Variants in RANBP17 observed in about 807,000 individuals in gnomAD.
RANBP17 encodes ran-binding protein 17.
A neutral mutation model predicts 141.2 loss-of-function variants in RANBP17; 158 were observed. The observed-to-expected ratio is 1.12, with a 90% CI of 0.98 to 1.28. The LOEUF is 1.28. Among genes scored for constraint, RANBP17 ranks in the 50% most tolerant of loss-of-function variants. The pLI is 0.00. For missense variants in RANBP17, 1,438 were observed against 1,290.7 expected, an observed-to-expected ratio of 1.11 and a Z score of -1.75; for synonymous variants, 430 against 450.0, an observed-to-expected ratio of 0.96 and a Z score of 0.56.
At chr5:171,275,579 C>T (rs1360199226) in intron 25 of RANBP17, among the ~76,000 whole-genome samples, 1 of 152,028 alleles carries the variant, frequency 6.6e-6, no homozygotes, top group Non-Finnish European at 1.5e-5. Flanking sequence ...ATTTAAGCAC[C>T]TTAGTTTTGT....
At chr5:171,144,320 C>G (rs1057399897) in intron 14 of RANBP17, among the ~76,000 whole-genome samples, 1 of 151,852 alleles carries the variant, frequency 6.6e-6, no homozygotes, top group Non-Finnish European at 1.5e-5. Context: ...GAACCAAAAT[C>G]ATGCCGCTGC....
chr5:171,158,768 C>T (rs570000086), intron 14 of RANBP17, among the ~76,000 whole-genome samples: 2 of 152,250 alleles, frequency 1.3e-5, no homozygotes, highest in South Asian at 4.1e-4. Context: ...CAGTTCTCAC[C>T]TGCCCTTTTT....
intron 24 of RANBP17, among the ~76,000 whole-genome samples, chr5:171,259,822 AG>A (rs1295575122): frequency 3.9e-4 from 59 of 151,710 alleles, no homozygotes; most frequent in Non-Finnish European, 2.9e-5. Context: ...CTCTACTAAA[AG>A]TACAGAAATT....
At chr5:170,980,937 G>A (rs1777725627) in intron 14 of RANBP17, among the ~76,000 whole-genome samples, 1 of 152,118 alleles carries the variant, frequency 6.6e-6, no homozygotes, top group African/African-American at 2.4e-5. Context: ...GCAGTAGAGG[G>A]GAGTCTACCC....
intron 16 of RANBP17, among the ~76,000 whole-genome samples, chr5:171,172,882 T>C (rs141407430): frequency 3.9e-5 from 6 of 151,928 alleles, no homozygotes; most frequent in African/African-American, 1.4e-4. Flanking sequence ...AGCCTTTTAT[T>C]TTACATGCTG....
At chr5:171,141,280 T>C (rs527918032) in intron 14 of RANBP17, among the ~76,000 whole-genome samples, 1 of 151,822 alleles carries the variant, frequency 6.6e-6, no homozygotes, top group East Asian at 1.9e-4. Flanking sequence ...TTAAAGTTGG[T>C]TTATTAAGGA....
At chr5:171,254,019 G>A (rs890080630) in intron 24 of RANBP17, among the ~76,000 whole-genome samples, 67 of 152,206 alleles carry the variant, frequency 4.4e-4, no homozygotes, top group African/African-American at 1.0e-3. Context: ...AGGCCGAGGC[G>A]GGTGGATCAC....
Position 170,961,910 on chromosome 5 carries a change from A to G in RANBP17, c.1575-6332A>G, listed in dbSNP as rs191868953. 4.1e-4 allele frequency among the ~76,000 whole-genome samples: 62 copies of G among 152,236 alleles called. 1 individual carries two copies. In the East Asian group the frequency reaches 0.011, roughly 27 times the overall value. On this transcript the variant is annotated intron_variant, in intron 13 of 27. Coordinates refer to ENST00000523189, the MANE Select transcript of RANBP17 (RefSeq NM_022897.5). ...TGATTGTTTTCTTGAGCAAATGGCC[A>G]CTCTGAATAAAGACCAGATTTTCTA...
intron 14 of RANBP17, among the ~76,000 whole-genome samples, chr5:170,996,671 G>A (rs1013387781): frequency 6.6e-6 from 1 of 152,160 alleles, no homozygotes; most frequent in African/African-American, 2.4e-5. Context: ...AAGATGTACT[G>A]CTTCAGTTTG....
At chr5:170,910,861 A>G in intron 6 of RANBP17, 108 bp from the exon 7 acceptor site, 1 of 1,109,356 alleles carries the variant, frequency 9.0e-7, no homozygotes, top group Non-Finnish European at 1.3e-6. Flanking sequence ...TAACTTTGTA[A>G]ACTCCTTTAT....
chr5:170,869,742 C>T (rs1767560200), intron 1 of RANBP17, among the ~76,000 whole-genome samples: 1 of 152,178 alleles, frequency 6.6e-6, no homozygotes, highest in East Asian at 1.9e-4. Flanking sequence ...AGCATGATCT[C>T]ATACCAAGAT....
chr5:170,928,163 GAA>G (rs1401199614), intron 12 of RANBP17, among the ~76,000 whole-genome samples: 3 of 151,962 alleles, frequency 2.0e-5, no homozygotes, highest in Non-Finnish European at 4.4e-5. Flanking sequence ...CTTATTTTGT[GAA>G]AAGTCTGTTG....
Position 170,950,969 on chromosome 5 carries a change from G to A in RANBP17, c.1469-2628G>A, listed in dbSNP as rs548853858. ...GGTTAAGTGAAATAAGCCTGGCACG[G>A]AAAGACAAATACCATGTGTTCTTAT... On this transcript the variant is annotated intron_variant, in intron 12 of 27. Transcript: ENST00000523189. Among the ~76,000 whole-genome samples, 9 of 152,148 alleles carry A rather than the reference G, an allele frequency of 5.9e-5. No homozygotes were observed. In the South Asian group the frequency reaches 1.7e-3, roughly 28 times the overall value.
chr5:171,187,789 C>G (rs1761368238), intron 18 of RANBP17, among the ~76,000 whole-genome samples: 1 of 152,074 alleles, frequency 6.6e-6, no homozygotes, highest in South Asian at 2.1e-4. Context: ...CTCTAGACTC[C>G]CATTTCTCAT....
At chr5:171,079,144 C>T (rs931997247) in intron 14 of RANBP17, among the ~76,000 whole-genome samples, 1 of 152,130 alleles carries the variant, frequency 6.6e-6, no homozygotes, top group Non-Finnish European at 1.5e-5. Flanking sequence ...TCATGGATGA[C>T]TCTGAGGGGT....
chr5:171,096,142 T>TG (rs1225232194), intron 14 of RANBP17, among the ~76,000 whole-genome samples: 6 of 152,078 alleles, frequency 3.9e-5, no homozygotes, highest in African/African-American at 1.4e-4. Flanking sequence ...GATGTAACTT[T>TG]TATTGACAAA....
At chr5:171,063,214 C>T (rs998084890) in intron 14 of RANBP17, among the ~76,000 whole-genome samples, 1 of 152,188 alleles carries the variant, frequency 6.6e-6, no homozygotes, top group Non-Finnish European at 1.5e-5. Context: ...GAACTGCTTT[C>T]CTTTGGAGGA....
chr5:171,156,371 T>G lies in RANBP17; in HGVS notation c.1711-13759T>G, dbSNP rs540626823. 1.0e-3 allele frequency among the ~76,000 whole-genome samples: 159 copies of G among 152,284 alleles called. 1 individual carries two copies. Among genetic ancestry groups the G allele is most frequent in the African/African-American group, 3.7e-3 (153 of 41,602 alleles). On this transcript the variant is annotated intron_variant, in intron 14 of 27. Transcript: ENST00000523189. Reference sequence around the variant, plus strand: ...TAATTGAGTAAAGTTTAATCCTGATTAGAAGATCCTTGAGTACCATTTTGA... The same window carrying G: ...TAATTGAGTAAAGTTTAATCCTGATGAGAAGATCCTTGAGTACCATTTTGA...
At chr5:171,200,701 AAAAC>A (rs752446049) in intron 19 of RANBP17, among the ~76,000 whole-genome samples, 3 of 152,188 alleles carry the variant, frequency 2.0e-5, no homozygotes, top group East Asian at 1.9e-4. Flanking sequence ...AAAGAAAACA[AAAAC>A]AAAAAAACTA....
Sources: gnomAD v4.1 joint callset for allele counts (sites outside exome capture counted in the v4.1 genomes callset) on GRCh38, gnomAD v4.1.1 for gene constraint, MANE v1.5 for transcripts, NCBI Gene and HGNC (gene_info 2026-07-23, HGNC 2026-07-21) for gene names.